The following HK1 variants were observed in gnomAD, a reference collection of about 807,000 sequenced individuals.
The protein encoded by HK1 is hexokinase 1, also known as hexokinase-1.
A neutral mutation model predicts 91.6 loss-of-function variants in HK1; 28 were observed. That is an observed-to-expected ratio of 0.31 (90% confidence interval 0.23 to 0.42). The LOEUF (loss-of-function observed/expected upper bound fraction) is 0.42. Ranked by LOEUF, HK1 falls within the 10% of genes least tolerant of loss-of-function variation. HK1 has a pLI of 1.00. For synonymous variants in HK1, 430 were observed against 468.1 expected, an observed-to-expected ratio of 0.92 and a Z score of 1.05; for missense variants, 770 against 1,219.8, an observed-to-expected ratio of 0.63 and a Z score of 5.49.
intron 2 of HK1, among the ~76,000 whole-genome samples, chr10:69,285,491 A>G (rs985853923): frequency 6.6e-6 from 1 of 152,224 alleles, no homozygotes; most frequent in Non-Finnish European, 1.5e-5. Context: ...GCAAAATTCA[A>G]ATGAATTGTG....
At chr10:69,328,804 T>C (rs1214233573) in intron 1 of HK1, among the ~76,000 whole-genome samples, 1 of 152,234 alleles carries the variant, frequency 6.6e-6, no homozygotes, top group Non-Finnish European at 1.5e-5. Flanking sequence ...TTCCCATTTC[T>C]TCCTCCACCT....
At chr10:69,298,552 A>C (rs1016012746) in intron 4 of HK1, among the ~76,000 whole-genome samples, 1 of 151,822 alleles carries the variant, frequency 6.6e-6, no homozygotes, top group Non-Finnish European at 1.5e-5. Context: ...GCTTGAGTCC[A>C]AGAGTTTGAG....
At chr10:69,378,362 C>G (rs1050249625) in intron 8 of HK1, among the ~76,000 whole-genome samples, 1 of 151,784 alleles carries the variant, frequency 6.6e-6, no homozygotes, top group Non-Finnish European at 1.5e-5. Context: ...TAGAGGCATT[C>G]TCTAAAATCA....
intron 7 of HK1, among the ~76,000 whole-genome samples, chr10:69,376,243 C>G (rs975052090): frequency 6.6e-6 from 1 of 152,140 alleles, no homozygotes; most frequent in Non-Finnish European, 1.5e-5. Context: ...GGTGAAAGTT[C>G]TTTGAAAAGT....
At chr10:69,352,202 A>C (rs1031471967) in intron 2 of HK1, among the ~76,000 whole-genome samples, 1 of 152,090 alleles carries the variant, frequency 6.6e-6, no homozygotes, top group Admixed American at 6.6e-5. Flanking sequence ...CATGTTGGCC[A>C]GGCTGGTCTC....
chr10:69,300,299 C>T (rs1845793852), intron 4 of HK1: 2 of 345,110 alleles, frequency 5.8e-6, no homozygotes, highest in Non-Finnish European at 1.1e-5. Context: ...TATAATCATA[C>T]ATATGTACTC....
rs1042738695 is a variant in HK1, at chr10:69,327,000, CTTTTTTT to C, written c.63+8006_63+8012del. 3.7e-3 allele frequency among the ~76,000 whole-genome samples: 405 copies of C among 110,934 alleles called. 1 individual carries two copies. The highest frequency in any genetic ancestry group is 0.012 in the African/African-American group (347 of 29,876). The allele number at this position is 110,934 out of a possible 152,430, so 72.8% of individuals were successfully genotyped here. A position where few individuals can be genotyped will look rare whatever the true frequency, so the allele number is the denominator to read the frequency against. ...TGGTATTGCTTTGTGTGGTTTTAAA[CTTTTTTT>C]TTTTTTTTTTTTTTTGAGATGGAAT... On this transcript the variant is annotated intron_variant, in intron 1 of 17. Coordinates refer to ENST00000359426, the MANE Select transcript of HK1 (RefSeq NM_000188.3).
chr10:69,275,491 C>T (rs1844393699), intron 1 of HK1, among the ~76,000 whole-genome samples: 1 of 151,868 alleles, frequency 6.6e-6, no homozygotes, highest in African/African-American at 2.4e-5. Flanking sequence ...TGATTTATGG[C>T]CTATATCAGG....
At chr10:69,387,171 G>A (rs933713036) in intron 13 of HK1, among the ~76,000 whole-genome samples, 1 of 152,136 alleles carries the variant, frequency 6.6e-6, no homozygotes, top group Non-Finnish European at 1.5e-5. Context: ...CCATAGAATT[G>A]CCCCTGGTTC....
At chr10:69,326,328 T>C (rs929949348) in intron 1 of HK1, among the ~76,000 whole-genome samples, 1 of 152,156 alleles carries the variant, frequency 6.6e-6, no homozygotes, top group Non-Finnish European at 1.5e-5. Context: ...AGGTTGTCAG[T>C]ACAGGAAGTA....
At chr10:69,335,482 A>G (rs1378046837) in intron 1 of HK1, among the ~76,000 whole-genome samples, 1 of 152,130 alleles carries the variant, frequency 6.6e-6, no homozygotes, top group African/African-American at 2.4e-5. Context: ...GTAGTACCGC[A>G]TCTCCCTCTC....
chr10:69,388,803 C>T (rs1278620035), intron 13 of HK1, among the ~76,000 whole-genome samples: 1 of 152,294 alleles, frequency 6.6e-6, no homozygotes, highest in East Asian at 1.9e-4. Flanking sequence ...GTTTGTGCAC[C>T]TGCAGACTAT....
rs1840071560 is a variant in HK1, at chr10:69,394,977, C to T, written c.2247C>T (p.Tyr749=). The T allele has an allele frequency of 1.9e-6, 3 of 1,614,018 alleles. No homozygotes were observed. The highest frequency in any genetic ancestry group is 2.2e-5 in the East Asian group (1 of 44,888). ...ATGAGAAGATGATCAGTGGTATGTA[C>T]CTGGGTGAAATCGTCCGCAACATCT... ...QRYEKMISGM[Y]LGEIVRNILI... is the part of the protein sequence containing the mutation. The change falls in exon 16 of 18, where the codon TAC becomes TAT. Residue 749 remains tyrosine, a synonymous_variant. Transcript: ENST00000359426.
At chr10:69,280,153 G>A (rs12356717) in intron 1 of HK1, among the ~76,000 whole-genome samples, 3,999 of 151,790 alleles carry the variant, frequency 0.026, 84 homozygotes, top group Non-Finnish European at 0.043. Context: ...ACAGAGTCTC[G>A]CACTGTCACC....
chr10:69,292,427 C>T, intron 3 of HK1: 1 of 396,226 alleles, frequency 2.5e-6, no homozygotes, highest in Non-Finnish European at 5.0e-6. Context: ...TCATCCCTGC[C>T]CTCCAGGGGA....
At chr10:69,285,327 G>T (rs1844975316) in intron 2 of HK1, among the ~76,000 whole-genome samples, 1 of 152,044 alleles carries the variant, frequency 6.6e-6, no homozygotes, top group African/African-American at 2.4e-5. Context: ...AGGAGGCTGA[G>T]GCAGGAGAAT....
chr10:69,344,788 G>A (rs575296150), intron 2 of HK1, among the ~76,000 whole-genome samples: 1 of 152,270 alleles, frequency 6.6e-6, no homozygotes, highest in Non-Finnish European at 1.5e-5. Context: ...GTTTGTGGAG[G>A]TGAATGCTGT....
chr10:69,383,359 A>G (rs904533732), intron 10 of HK1, among the ~76,000 whole-genome samples: 5 of 152,246 alleles, frequency 3.3e-5, no homozygotes, highest in Non-Finnish European at 7.3e-5. Context: ...GGCAAATTGT[A>G]GAACAAAATC....
chr10:69,283,808 A>AAAAAAAAAAAAAG (rs1564751495), intron 2 of HK1, among the ~76,000 whole-genome samples: 58 of 144,748 alleles, frequency 4.0e-4, no homozygotes, highest in African/African-American at 9.9e-4. Context: ...CAAAAAAAAA[A>AAAAAAAAAAAAAG]AAAAAAAAAG....
Sources: allele counts gnomAD v4.1 joint callset (sites outside exome capture counted in the v4.1 genomes callset), GRCh38; gene constraint gnomAD v4.1.1; transcripts MANE v1.5; gene names NCBI Gene and HGNC (gene_info 2026-07-23, HGNC 2026-07-21).